The following PLCB4 variants were observed in gnomAD, a reference collection of about 807,000 sequenced individuals.
The protein encoded by PLCB4 is 1-phosphatidylinositol 4,5-bisphosphate phosphodiesterase beta-4.
A neutral mutation model predicts 178.8 loss-of-function variants in PLCB4; 77 were observed. The ratio of observed to expected loss-of-function variants is 0.43; its 90% CI spans 0.36 to 0.52. PLCB4 has a LOEUF of 0.52. PLCB4 is among the 20% of genes least tolerant of loss of function. PLCB4 has a pLI of 0.00. For missense variants in PLCB4, 1,024 were observed against 1,453.4 expected, an observed-to-expected ratio of 0.70 and a Z score of 4.80; for synonymous variants, 496 against 490.8, an observed-to-expected ratio of 1.01 and a Z score of -0.14.
At chr20:9,272,585 T>C (rs1322052328) in intron 3 of PLCB4, among the ~76,000 whole-genome samples, 2 of 152,124 alleles carry the variant, frequency 1.3e-5, no homozygotes, top group Non-Finnish European at 2.9e-5. Flanking sequence ...GCTTTAGCAC[T>C]TTCTAAGTAT....
intron 3 of PLCB4, among the ~76,000 whole-genome samples, chr20:9,233,092 T>A (rs1004907600): frequency 6.6e-6 from 1 of 152,146 alleles, no homozygotes; most frequent in Non-Finnish European, 1.5e-5. Flanking sequence ...GTTTTACTTC[T>A]TAAGCCAAAT....
In PLCB4 at chr20:9,468,599, G is replaced by C. The variant is rs375933700; in HGVS notation, c.3277G>C (p.Ala1093Pro). Residue 1093 changes from alanine to proline, a missense_variant, in exon 36 of 40, where the codon GCT (alanine) becomes CCT (proline). Ala to Pro is a conservative substitution (Grantham distance 27, BLOSUM62 -1). This residue lies in a region of PLCB4 where 264 missense variants were observed against 283.2 expected (regional missense o/e 0.93). Transcript: ENST00000378473. ...AAGCAAGGAAATGCGAGCACACCAG[G>C]CTAAGATTTCTATGGAAAATAGCAA... is the stretch of plus-strand genomic sequence containing the variant. ...RESKEMRAHQAKISMENSKAI... is the reference protein window; with the variant it reads ...RESKEMRAHQPKISMENSKAI... 6.2e-7 allele frequency: 1 copy of C among 1,610,826 alleles called. No individual in the cohort carries two copies. The highest frequency in any genetic ancestry group is 8.5e-7 in the Non-Finnish European group (1 of 1,177,376).
intron 3 of PLCB4, among the ~76,000 whole-genome samples, chr20:9,259,278 A>G (rs1307089053): frequency 6.6e-6 from 1 of 152,174 alleles, no homozygotes; most frequent in Non-Finnish European, 1.5e-5. Context: ...TATACTTACC[A>G]CTTGTTTCTG....
chr20:9,467,120 TC>T (rs1406163789), intron 35 of PLCB4, among the ~76,000 whole-genome samples: 1 of 152,318 alleles, frequency 6.6e-6, no homozygotes. Context: ...TGAGTTCATG[TC>T]CTTTGCAGAG....
chr20:9,340,198 G>A (rs58863564), intron 7 of PLCB4, among the ~76,000 whole-genome samples: 10,128 of 152,214 alleles, frequency 0.067, 359 homozygotes, highest in Middle Eastern at 0.095. Context: ...AAGATCATTT[G>A]AGGACACTGA....
intron 4 of PLCB4, among the ~76,000 whole-genome samples, chr20:9,315,828 G>A (rs2094892300): frequency 6.6e-6 from 1 of 152,022 alleles, no homozygotes; most frequent in Non-Finnish European, 1.5e-5. Flanking sequence ...AGCAACTCAG[G>A]AGGCTAAGGC....
chr20:9,311,322 A>C (rs1028377937), intron 4 of PLCB4, among the ~76,000 whole-genome samples: 2 of 152,214 alleles, frequency 1.3e-5, no homozygotes, highest in Non-Finnish European at 2.9e-5. Context: ...ACCCACTTTA[A>C]CATCAAATTC....
intron 35 of PLCB4, among the ~76,000 whole-genome samples, chr20:9,467,225 A>G (rs1240757004): frequency 6.6e-6 from 1 of 152,176 alleles, no homozygotes; most frequent in Non-Finnish European, 1.5e-5. Flanking sequence ...TGGGAATTGA[A>G]CAGTGAGAAC....
At chr20:9,382,931 C>CT (rs2037267891) in intron 13 of PLCB4, among the ~76,000 whole-genome samples, 1 of 152,176 alleles carries the variant, frequency 6.6e-6, no homozygotes, top group African/African-American at 2.4e-5. Flanking sequence ...CAAATTTCTA[C>CT]TTTCATTTAT....
chr20:9,139,746 G>A (rs192831028), intron 2 of PLCB4, among the ~76,000 whole-genome samples: 41 of 151,894 alleles, frequency 2.7e-4, no homozygotes, highest in Non-Finnish European at 1.6e-4. Flanking sequence ...CATGTTCCAC[G>A]TGTCACCAGC....
chr20:9,162,542 A>G (rs572268915), intron 2 of PLCB4, among the ~76,000 whole-genome samples: 2 of 152,294 alleles, frequency 1.3e-5, no homozygotes, highest in South Asian at 4.1e-4. Flanking sequence ...CTGTATATTT[A>G]TATTAAAGGG....
chr20:9,407,695 T>C (rs2039549514), intron 21 of PLCB4, among the ~76,000 whole-genome samples: 3 of 152,226 alleles, frequency 2.0e-5, no homozygotes, highest in South Asian at 2.1e-4. Context: ...GTCCTACAAA[T>C]GTAAGATAAG....
chr20:9,119,737 T>A (rs779540065), intron 2 of PLCB4, among the ~76,000 whole-genome samples: 3 of 152,216 alleles, frequency 2.0e-5, no homozygotes, highest in Non-Finnish European at 2.9e-5. Flanking sequence ...TAATTAAAGA[T>A]TTGTTGGCAA....
At position 9,388,377 on chromosome 20, in the gene PLCB4, G is replaced by A. The variant is rs530360551; in HGVS notation, c.1158+821G>A. Among the ~76,000 whole-genome samples the A allele has an allele frequency of 7.2e-5, 11 of 152,164 alleles. No homozygotes were observed. The South Asian group carries it at 2.1e-3, about 29-fold the overall frequency. ...TAGATATTACAACACCAGGAGCAGC[G>A]GTTCTCAACTCCACCTACATGTGAA... On this transcript the variant is annotated intron_variant, in intron 15 of 39. Coordinates refer to ENST00000378473, the MANE Select transcript of PLCB4 (RefSeq NM_001377142.1).
intron 3 of PLCB4, among the ~76,000 whole-genome samples, chr20:9,221,193 TG>T (rs1244739089): frequency 6.6e-6 from 1 of 151,818 alleles, no homozygotes; most frequent in African/African-American, 2.4e-5. Context: ...GGGGCAGAGT[TG>T]GGGGGTGCAG....
intron 4 of PLCB4, among the ~76,000 whole-genome samples, chr20:9,318,960 G>A (rs532576313): frequency 1.4e-4 from 22 of 152,306 alleles, no homozygotes; most frequent in Admixed American, 1.4e-3. Flanking sequence ...GTGAACAGGA[G>A]GGTGTTGGCC....
At chr20:9,426,611 A>G (rs905526204) in intron 28 of PLCB4, among the ~76,000 whole-genome samples, 3 of 152,058 alleles carry the variant, frequency 2.0e-5, no homozygotes, top group African/African-American at 7.2e-5. Context: ...TTCTGACCTC[A>G]GGTGATCCAC....
At chr20:9,337,056 G>A in intron 4 of PLCB4, 70 bp from the exon 5 acceptor site, 1 of 941,250 alleles carries the variant, frequency 1.1e-6, no homozygotes. Context: ...TAGAAGCTCA[G>A]CAATATTTTC....
intron 2 of PLCB4, among the ~76,000 whole-genome samples, chr20:9,131,551 G>A (rs949097317): frequency 2.6e-5 from 4 of 152,176 alleles, no homozygotes; most frequent in Non-Finnish European, 5.9e-5. Flanking sequence ...GGACTAACGT[G>A]TATGGTGGTT....
Sources: gnomAD v4.1 joint callset for allele counts (sites outside exome capture counted in the v4.1 genomes callset) on GRCh38, gnomAD v4.1.1 for gene constraint, gnomAD v4.1.1 regional missense constraint, MANE v1.5 for transcripts, NCBI Gene and HGNC (gene_info 2026-07-23, HGNC 2026-07-21) for gene names.